Variants in CTNND2 observed in about 807,000 individuals in gnomAD.
The protein encoded by CTNND2 is catenin delta 2.
Under a neutral mutation model 144.4 loss-of-function variants are expected in CTNND2, and 22 were observed. The ratio of observed to expected loss-of-function variants is 0.15; its 90% confidence interval spans 0.11 to 0.22. CTNND2 has a LOEUF of 0.22. Among genes scored for constraint, CTNND2 ranks in the 10% least tolerant of loss-of-function variants. CTNND2 has a pLI of 1.00. For synonymous variants in CTNND2, 751 were observed against 695.6 expected, an observed-to-expected ratio of 1.08 and a Z score of -1.25; for missense variants, 1,353 against 1,618.8, an observed-to-expected ratio of 0.84 and a Z score of 2.82.
intron 1 of CTNND2, among the ~76,000 whole-genome samples, chr5:11,767,803 C>T (rs1354746431): frequency 6.6e-6 from 1 of 152,172 alleles, no homozygotes; most frequent in Non-Finnish European, 1.5e-5. Flanking sequence ...ACTGGGAGGT[C>T]TGTTGACAGA....
intron 5 of CTNND2, among the ~76,000 whole-genome samples, chr5:11,410,314 A>C (rs1761411380): frequency 6.6e-6 from 1 of 152,206 alleles, no homozygotes; most frequent in Admixed American, 6.5e-5. Flanking sequence ...TATACACAGC[A>C]ATGTTATCCT....
intron 1 of CTNND2, among the ~76,000 whole-genome samples, chr5:11,850,158 T>G (rs1347086610): frequency 6.6e-6 from 1 of 152,132 alleles, no homozygotes; most frequent in Non-Finnish European, 1.5e-5. Flanking sequence ...AGGTGATAGA[T>G]GAGCTGAGAT....
intron 2 of CTNND2, among the ~76,000 whole-genome samples, chr5:11,692,878 G>C (rs1282978725): frequency 2.6e-5 from 4 of 152,136 alleles, no homozygotes; most frequent in African/African-American, 9.7e-5. Context: ...CTGGGATTAC[G>C]GGCATGGGCC....
chr5:11,182,759 C>G (rs925358902), intron 11 of CTNND2, among the ~76,000 whole-genome samples: 1 of 152,100 alleles, frequency 6.6e-6, no homozygotes, highest in Admixed American at 6.5e-5. Context: ...GACTGACAGA[C>G]TTTCTGTGGC....
chr5:11,409,499 A>C (rs2149834962), intron 5 of CTNND2, among the ~76,000 whole-genome samples: 1 of 152,194 alleles, frequency 6.6e-6, no homozygotes, highest in East Asian at 1.9e-4. Context: ...ACGTGCATTC[A>C]AATGTTCACA....
intron 7 of CTNND2, among the ~76,000 whole-genome samples, chr5:11,371,945 G>GA (rs545262475): frequency 2.0e-5 from 3 of 152,070 alleles, no homozygotes; most frequent in Admixed American, 2.0e-4. Flanking sequence ...TTTTTGGAAA[G>GA]AAAAAAATGC....
intron 1 of CTNND2, among the ~76,000 whole-genome samples, chr5:11,755,143 CA>C (rs1561766960): frequency 1.3e-5 from 2 of 151,702 alleles, no homozygotes; most frequent in East Asian, 3.9e-4. Flanking sequence ...CTGGTGGTAA[CA>C]AATTCCCTCA....
chr5:11,277,528 T>TTATG (rs1348485579), intron 9 of CTNND2, among the ~76,000 whole-genome samples: 1 of 149,624 alleles, frequency 6.7e-6, no homozygotes, highest in Non-Finnish European at 1.5e-5. Context: ...ATTTATTTAT[T>TTATG]TATTTATTTA....
rs79957768 is a variant in CTNND2, at chr5:11,368,067, A to G, written c.1178-3177T>C. ...TTTTTCATATACAATGCGTTTCTGAAAATGAGCTTGAAGACTCACAGCTGA... is the reference window on the plus strand; with the variant it reads ...TTTTTCATATACAATGCGTTTCTGAGAATGAGCTTGAAGACTCACAGCTGA... On this transcript the variant is annotated intron_variant, in intron 7 of 21. Coordinates refer to ENST00000304623, the MANE Select transcript of CTNND2 (RefSeq NM_001332.4). Among the ~76,000 whole-genome samples, 354 of 152,302 alleles carry G rather than the reference A, an allele frequency of 2.3e-3. 7 individuals are homozygous for G. The East Asian group carries it at 0.058, about 25-fold the overall frequency.
chr5:11,307,632 A>G (rs1325391825), intron 9 of CTNND2, among the ~76,000 whole-genome samples: 1 of 152,196 alleles, frequency 6.6e-6, no homozygotes, highest in Non-Finnish European at 1.5e-5. Flanking sequence ...AATTTTCTAT[A>G]AGAAAAACTT....
intron 12 of CTNND2, among the ~76,000 whole-genome samples, chr5:11,137,953 C>T (rs1218767767): frequency 6.6e-6 from 1 of 152,100 alleles, no homozygotes; most frequent in African/African-American, 2.4e-5. Flanking sequence ...GTTGAAAGTC[C>T]AGTATGGGTC....
intron 9 of CTNND2, among the ~76,000 whole-genome samples, chr5:11,277,951 A>G (rs1561139234): frequency 1.3e-5 from 2 of 152,080 alleles, no homozygotes; most frequent in African/African-American, 4.8e-5. Context: ...CATATCTACA[A>G]CATTGCTGCA....
intron 1 of CTNND2, among the ~76,000 whole-genome samples, chr5:11,857,995 G>C (rs1318241595): frequency 6.6e-6 from 1 of 152,114 alleles, no homozygotes; most frequent in Admixed American, 6.6e-5. Flanking sequence ...TAGCTAATCT[G>C]GTACTCCTTA....
At chr5:11,351,238 T>C (rs1755311720) in intron 8 of CTNND2, among the ~76,000 whole-genome samples, 1 of 152,224 alleles carries the variant, frequency 6.6e-6, no homozygotes, top group African/African-American at 2.4e-5. Context: ...CTCTATCCAA[T>C]TGAACCCACT....
Position 11,346,502 on chromosome 5 carries a change from C to G in CTNND2, c.1498G>C (p.Ala500Pro), listed in dbSNP as rs773500605. 1.2e-4 allele frequency: 195 copies of G among 1,606,054 alleles called. No homozygotes were observed. Among genetic ancestry groups the G allele is most frequent in the Non-Finnish European group, 1.6e-4 (187 of 1,176,634 alleles). Residue 500 changes from alanine to proline, a missense_variant, in exon 9 of 22, where the codon GCG (alanine) becomes CCG (proline). Physicochemically the swap from Ala to Pro is conservative, Grantham distance 27. Transcript: ENST00000304623. ...SYAAGPASNY[A>P]DPYRQLQYCP... is the part of the protein sequence containing the mutation. Reference sequence around the variant, plus strand: ...TACTGCAGCTGTCGGTAGGGGTCCGCGTAATTGGAGGCTGGGCCGGCGGCA... The same window carrying G: ...TACTGCAGCTGTCGGTAGGGGTCCGGGTAATTGGAGGCTGGGCCGGCGGCA...
At chr5:10,996,437 G>A (rs1739355084) in intron 18 of CTNND2, among the ~76,000 whole-genome samples, 1 of 134,404 alleles carries the variant, frequency 7.4e-6, no homozygotes, top group African/African-American at 2.8e-5. Context: ...ACTGCTCCAA[G>A]AAGGACGTCT....
intron 3 of CTNND2, among the ~76,000 whole-genome samples, chr5:11,558,388 C>G: frequency 7.4e-6 from 1 of 134,434 alleles, no homozygotes; most frequent in Non-Finnish European, 1.7e-5. Context: ...GTGTGACACA[C>G]AAGGTCTCAC....
chr5:11,077,659 A>AC (rs1203604222), intron 16 of CTNND2, among the ~76,000 whole-genome samples: 1 of 152,188 alleles, frequency 6.6e-6, no homozygotes, highest in Non-Finnish European at 1.5e-5. Flanking sequence ...TAAGGTTTCA[A>AC]CAGGATAACT....
At chr5:11,097,413 G>A (rs1751461100) in intron 15 of CTNND2, among the ~76,000 whole-genome samples, 1 of 152,134 alleles carries the variant, frequency 6.6e-6, no homozygotes, top group Non-Finnish European at 1.5e-5. Context: ...TGTAGAAAAG[G>A]GCTAATTATG....
Sources: gnomAD v4.1 joint callset for allele counts (sites outside exome capture counted in the v4.1 genomes callset) on GRCh38, gnomAD v4.1.1 for gene constraint, MANE v1.5 for transcripts, NCBI Gene and HGNC (gene_info 2026-07-23, HGNC 2026-07-21) for gene names.